Variants in ARB2A observed in about 807,000 individuals in gnomAD.
The protein encoded by ARB2A is ARB2 cotranscriptional regulator A.
the ARB2A span, among the ~76,000 whole-genome samples, chr5:93,945,414 C>CAAAA: frequency 1.7e-5 from 1 of 59,952 alleles, no homozygotes; most frequent in Non-Finnish European, 3.5e-5. Flanking sequence ...GATTCCATCT[C>CAAAA]AAAAAAAAAA....
At chr5:93,879,377 A>G in the ARB2A span, among the ~76,000 whole-genome samples, 3 of 152,114 alleles carry the variant, frequency 2.0e-5, no homozygotes, top group Admixed American at 6.6e-5. Context: ...CCATCGATAC[A>G]AAGTTGTATT....
chr5:94,010,797 A>C, the ARB2A span, among the ~76,000 whole-genome samples: 1 of 152,104 alleles, frequency 6.6e-6, no homozygotes, highest in East Asian at 1.9e-4. Context: ...TTTCTATTTT[A>C]CATAAAAACA....
chr5:93,871,973 G>C, the ARB2A span, among the ~76,000 whole-genome samples: 1 of 149,576 alleles, frequency 6.7e-6, no homozygotes, highest in Non-Finnish European at 1.5e-5. Flanking sequence ...TTTTGAGTCG[G>C]AGTCTCGGTC....
the ARB2A span, among the ~76,000 whole-genome samples, chr5:93,910,116 T>A: frequency 6.6e-6 from 1 of 151,100 alleles, no homozygotes; most frequent in Non-Finnish European, 1.5e-5. Context: ...CATTCATTTA[T>A]TATATATTTA....
chr5:93,773,133 G>A, the ARB2A span, among the ~76,000 whole-genome samples: 2 of 152,326 alleles, frequency 1.3e-5, no homozygotes, highest in East Asian at 1.9e-4. Flanking sequence ...ACTAGTAGAG[G>A]TCTTGCTTCC....
the ARB2A span, among the ~76,000 whole-genome samples, chr5:93,744,886 G>T: frequency 6.6e-6 from 1 of 152,144 alleles, no homozygotes; most frequent in African/African-American, 2.4e-5. Flanking sequence ...ACAGAGTAAG[G>T]ATGGAAACAC....
the ARB2A span, among the ~76,000 whole-genome samples, chr5:93,891,303 C>T: frequency 6.6e-6 from 1 of 152,152 alleles, no homozygotes; most frequent in South Asian, 2.1e-4. Flanking sequence ...TCAAAATTGG[C>T]ACTTATAATT....
the ARB2A span, chr5:93,964,561 C>T: frequency 7.0e-7 from 1 of 1,427,332 alleles, no homozygotes; most frequent in South Asian, 1.3e-5. Context: ...GATCCAATGT[C>T]ATCCATTATC....
chr5:93,881,142 C>T, the ARB2A span, among the ~76,000 whole-genome samples: 1 of 151,598 alleles, frequency 6.6e-6, no homozygotes, highest in Non-Finnish European at 1.5e-5. Context: ...AAAGAAACAG[C>T]GTGTTTGGAA....
the ARB2A span, chr5:93,619,451 T>A: frequency 3.9e-5 from 6 of 152,276 alleles, 1 homozygote; most frequent in Admixed American, 3.9e-4. Context: ...TTGAAATCGG[T>A]TCATAATATA....
chr5:93,879,784 C>CA, the ARB2A span, among the ~76,000 whole-genome samples: 1,555 of 149,248 alleles, frequency 0.01, 25 homozygotes, highest in African/African-American at 0.036. Context: ...ATGTCACAGG[C>CA]AAAAAAAAAT....
the ARB2A span, among the ~76,000 whole-genome samples, chr5:93,983,557 A>G: frequency 6.6e-6 from 1 of 152,220 alleles, no homozygotes; most frequent in African/African-American, 2.4e-5. Flanking sequence ...TCCTTACAGC[A>G]GAATCCCAAC....
chr5:93,658,913 G>A, the ARB2A span, among the ~76,000 whole-genome samples: 1 of 143,244 alleles, frequency 7.0e-6, no homozygotes, highest in Non-Finnish European at 1.5e-5. Flanking sequence ...TTCCTGTAGG[G>A]TGACCAAAGG....
the ARB2A span, among the ~76,000 whole-genome samples, chr5:94,109,550 T>C: frequency 0.12 from 17,983 of 152,206 alleles, 1,175 homozygotes; most frequent in Middle Eastern, 0.16. Flanking sequence ...CCTCAGAGGT[T>C]TGTCTGGGAA....
the ARB2A span, among the ~76,000 whole-genome samples, chr5:93,681,196 T>C: frequency 1.3e-5 from 2 of 152,172 alleles, no homozygotes; most frequent in Admixed American, 6.6e-5. Flanking sequence ...TTCCCAGTTG[T>C]ATAGTTTGGG....
the ARB2A span, among the ~76,000 whole-genome samples, chr5:93,782,218 G>A: frequency 6.6e-6 from 1 of 152,114 alleles, no homozygotes; most frequent in African/African-American, 2.4e-5. Flanking sequence ...ATATTATAGT[G>A]TTTTCAATGA....
the ARB2A span, among the ~76,000 whole-genome samples, chr5:93,842,802 G>A: frequency 1.3e-5 from 2 of 152,246 alleles, no homozygotes; most frequent in Admixed American, 6.5e-5. Context: ...TCCATTCCAC[G>A]TGCTTGGCAA....
the ARB2A span, among the ~76,000 whole-genome samples, chr5:93,671,985 G>C: frequency 6.6e-6 from 1 of 152,284 alleles, no homozygotes; most frequent in Middle Eastern, 3.4e-3. Flanking sequence ...GTAACTTTGA[G>C]GAATGGCTGA....
At chr5:93,891,997 C>T in the ARB2A span, among the ~76,000 whole-genome samples, 1 of 152,152 alleles carries the variant, frequency 6.6e-6, no homozygotes, top group Non-Finnish European at 1.5e-5. Flanking sequence ...CCCTTAAGCC[C>T]ACTTAACTAC....
Sources: gnomAD v4.1 joint callset for allele counts (sites outside exome capture counted in the v4.1 genomes callset) on GRCh38, gnomAD v4.1.1 for gene constraint, MANE v1.5 for transcripts, NCBI Gene and HGNC (gene_info 2026-07-23, HGNC 2026-07-21) for gene names.